Variants in PTPRM observed in about 807,000 individuals in gnomAD.
The protein encoded by PTPRM is protein tyrosine phosphatase receptor type M.
In PTPRM, 47 loss-of-function variants were observed where a neutral mutation model predicts 186.7. That is an observed-to-expected ratio of 0.25 (90% CI 0.20 to 0.32). The LOEUF (loss-of-function observed/expected upper bound fraction) is 0.32, where lower values mean the gene tolerates loss of function less well. Ranked by LOEUF, PTPRM falls within the 10% of genes least tolerant of loss-of-function variation. PTPRM has a pLI of 1.00. For synonymous variants in PTPRM, 668 were observed against 674.9 expected (o/e 0.99, Z 0.16); for missense variants, 1,494 against 1,865.0 (o/e 0.80, Z 3.66).
chr18:8,335,338 C>G (rs144999501), intron 22 of PTPRM, among the ~76,000 whole-genome samples: 161 of 151,916 alleles, frequency 1.1e-3, no homozygotes, highest in Non-Finnish European at 1.9e-3. Context: ...CGTCGCCAGT[C>G]AGACCTAAGC....
chr18:7,655,091 A>AT (rs2144323137), intron 1 of PTPRM, among the ~76,000 whole-genome samples: 1 of 152,020 alleles, frequency 6.6e-6, no homozygotes, highest in African/African-American at 2.4e-5. Context: ...GGAGCATGGA[A>AT]TTTTTTCCAG....
intron 2 of PTPRM, among the ~76,000 whole-genome samples, chr18:7,885,107 A>T (rs10164118): frequency 6.6e-6 from 1 of 151,934 alleles, no homozygotes; most frequent in South Asian, 2.1e-4. Flanking sequence ...AGACCCCATG[A>T]GACCATCCTT....
At chr18:8,292,304 G>GA (rs879609438) in intron 19 of PTPRM, among the ~76,000 whole-genome samples, 1 of 152,072 alleles carries the variant, frequency 6.6e-6, no homozygotes, top group Non-Finnish European at 1.5e-5. Flanking sequence ...TCCATCTTAG[G>GA]AAAAAAACAT....
At chr18:7,732,715 G>C (rs558784339) in intron 1 of PTPRM, among the ~76,000 whole-genome samples, 1 of 151,948 alleles carries the variant, frequency 6.6e-6, no homozygotes, top group South Asian at 2.1e-4. Context: ...CTATTGCCCA[G>C]GCTGGTCTCG....
At chr18:8,155,661 C>T (rs919873108) in intron 14 of PTPRM, among the ~76,000 whole-genome samples, 1 of 152,086 alleles carries the variant, frequency 6.6e-6, no homozygotes, top group African/African-American at 2.4e-5. Flanking sequence ...TTTCTGAAGA[C>T]AACATGAAAC....
intron 1 of PTPRM, among the ~76,000 whole-genome samples, chr18:7,582,999 A>C (rs1486213562): frequency 6.6e-6 from 1 of 152,154 alleles, no homozygotes; most frequent in African/African-American, 2.4e-5. Flanking sequence ...TATGAATTCT[A>C]CTTCCTTGGT....
chr18:7,693,863 G>C (rs1213834850), intron 1 of PTPRM, among the ~76,000 whole-genome samples: 1 of 150,076 alleles, frequency 6.7e-6, no homozygotes. Flanking sequence ...GGTGAAGGAA[G>C]GTGGCACAGC....
chr18:7,955,591 G>A (rs1024450353), intron 7 of PTPRM, among the ~76,000 whole-genome samples, 177 bp downstream of exon 7: 2 of 152,128 alleles, frequency 1.3e-5, no homozygotes, highest in Non-Finnish European at 2.9e-5. Flanking sequence ...TTGGGGACCA[G>A]TAACCTCCAG....
chr18:7,984,940 T>TATATAAATATATAC (rs1568130796), intron 7 of PTPRM, among the ~76,000 whole-genome samples: 1 of 46,160 alleles, frequency 2.2e-5, no homozygotes, highest in African/African-American at 8.0e-5. Flanking sequence ...AATATATACA[T>TATATAAATATATAC]ATATATACAT....
At chr18:7,622,502 G>T (rs2037964614) in intron 1 of PTPRM, among the ~76,000 whole-genome samples, 1 of 152,016 alleles carries the variant, frequency 6.6e-6, no homozygotes, top group Admixed American at 6.6e-5. Flanking sequence ...CTATTAACAG[G>T]GCTCTTGTCT....
At chr18:8,121,005 CA>C (rs2092151571) in intron 13 of PTPRM, among the ~76,000 whole-genome samples, 1 of 152,166 alleles carries the variant, frequency 6.6e-6, no homozygotes, top group Non-Finnish European at 1.5e-5. Context: ...CTTATTATAA[CA>C]GTATTCAAAA....
At chr18:7,988,046 T>C (rs906437047) in intron 7 of PTPRM, among the ~76,000 whole-genome samples, 1 of 150,424 alleles carries the variant, frequency 6.6e-6, no homozygotes, top group African/African-American at 2.4e-5. Flanking sequence ...TTAACCAGGC[T>C]TAGTGGCATG....
chr18:7,677,076 T>G (rs1317108653), intron 1 of PTPRM, among the ~76,000 whole-genome samples: 2 of 152,216 alleles, frequency 1.3e-5, no homozygotes, highest in Non-Finnish European at 2.9e-5. Context: ...CCAAGTGTAA[T>G]ATTCTATTCC....
intron 19 of PTPRM, among the ~76,000 whole-genome samples, chr18:8,291,686 ACTTTG>A (rs1160201473): frequency 6.6e-6 from 1 of 152,220 alleles, no homozygotes; most frequent in African/African-American, 2.4e-5. Flanking sequence ...ATGTGCACTG[ACTTTG>A]CTTAATTTAT....
chr18:7,690,614 C>T (rs1241694650), intron 1 of PTPRM, among the ~76,000 whole-genome samples: 1 of 152,078 alleles, frequency 6.6e-6, no homozygotes, highest in Non-Finnish European at 1.5e-5. Flanking sequence ...AACTATATGT[C>T]TGATAAGTGT....
intron 1 of PTPRM, among the ~76,000 whole-genome samples, chr18:7,594,306 C>A (rs1028377897): frequency 1.3e-5 from 2 of 151,976 alleles, no homozygotes; most frequent in South Asian, 2.1e-4. Flanking sequence ...CATGGTGAAA[C>A]CCTGTCTCTA....
intron 1 of PTPRM, among the ~76,000 whole-genome samples, chr18:7,667,909 A>T (rs2039133441): frequency 6.6e-6 from 1 of 152,170 alleles, no homozygotes; most frequent in South Asian, 2.1e-4. Context: ...TCAGAAAATT[A>T]GTTCTGTATT....
chr18:7,985,603 A>G (rs2082916720), intron 7 of PTPRM, among the ~76,000 whole-genome samples: 1 of 149,980 alleles, frequency 6.7e-6, no homozygotes, highest in African/African-American at 2.4e-5. Flanking sequence ...GTATATAAAT[A>G]TATACATATA....
chr18:8,238,427 G>A (rs1011501742), intron 14 of PTPRM, among the ~76,000 whole-genome samples: 8 of 151,654 alleles, frequency 5.3e-5, no homozygotes, highest in East Asian at 1.9e-4. Flanking sequence ...CTGTTACAAC[G>A]TTTTTTGTCT....
Sources: gnomAD v4.1 joint callset for allele counts (sites outside exome capture counted in the v4.1 genomes callset) on GRCh38, gnomAD v4.1.1 for gene constraint, MANE v1.5 for transcripts, NCBI Gene and HGNC (gene_info 2026-07-23, HGNC 2026-07-21) for gene names.